The following TSPAN11 variants were observed in gnomAD, a reference collection of about 807,000 sequenced individuals.
TSPAN11 encodes the protein tetraspanin 11.
A neutral mutation model predicts 32.9 loss-of-function variants in TSPAN11; 29 were observed. That is an observed-to-expected ratio of 0.88 (90% CI 0.66 to 1.20). The LOEUF (loss-of-function observed/expected upper bound fraction) is 1.20, where lower values mean the gene tolerates loss of function less well. Ranked by LOEUF, TSPAN11 falls within the 50% of genes most tolerant of loss-of-function variation. The pLI, the probability that TSPAN11 is intolerant of heterozygous loss-of-function variation, is 0.00. For synonymous variants in TSPAN11, 140 were observed against 141.3 expected (o/e 0.99, Z 0.07); for missense variants, 283 against 329.1 (o/e 0.86, Z 1.08).
In TSPAN11 at chr12:30,970,421, G is replaced by A. The variant is rs143188462; in HGVS notation, c.276+6404G>A. ...CTCACCGCCCACTGGAACACACACA[G>A]TGTGATCTCCTTAGACCCCCAACAT... On this transcript the variant is annotated intron_variant, in intron 3 of 7. Coordinates refer to ENST00000546076, the MANE Select transcript of TSPAN11 (RefSeq NM_001370302.1). Among the ~76,000 whole-genome samples, 24 of 152,324 alleles carry A rather than the reference G, an allele frequency of 1.6e-4. No individual in the cohort carries two copies. The East Asian group carries it at 4.6e-3, about 29-fold the overall frequency.
At chr12:30,935,539 A>G (rs1248650850) in intron 1 of TSPAN11, among the ~76,000 whole-genome samples, 2 of 151,982 alleles carry the variant, frequency 1.3e-5, no homozygotes, top group African/African-American at 4.8e-5. Context: ...ACCCACCAAC[A>G]TGCCCGGCTA....
At chr12:30,930,236 C>T (rs1051115829) in intron 1 of TSPAN11, among the ~76,000 whole-genome samples, 2 of 152,158 alleles carry the variant, frequency 1.3e-5, no homozygotes, top group Non-Finnish European at 2.9e-5. Context: ...TTTCCAAGTG[C>T]CTGCTGTGAG....
intron 3 of TSPAN11, among the ~76,000 whole-genome samples, chr12:30,968,573 T>G (rs1052366229): frequency 2.0e-5 from 3 of 152,208 alleles, no homozygotes; most frequent in African/African-American, 7.2e-5. Context: ...TCTGAGCCTA[T>G]GGTCAATGAC....
At chr12:30,941,470 T>C (rs1423353265) in intron 1 of TSPAN11, among the ~76,000 whole-genome samples, 3 of 152,192 alleles carry the variant, frequency 2.0e-5, no homozygotes, top group Non-Finnish European at 4.4e-5. Context: ...TCAGGCCACA[T>C]TTTTACCCAA....
intron 7 of TSPAN11, chr12:30,988,717 A>T (rs1291177660): frequency 6.6e-6 from 1 of 152,166 alleles, no homozygotes; most frequent in South Asian, 2.1e-4. Context: ...TGGGTCAAAC[A>T]TACATTCGGG....
intron 1 of TSPAN11, among the ~76,000 whole-genome samples, chr12:30,939,238 CAAA>C (rs34239881): frequency 1.5e-5 from 2 of 136,944 alleles, no homozygotes; most frequent in Non-Finnish European, 1.5e-5. Context: ...AAGACTCCAT[CAAA>C]AAAAAAAAAA....
chr12:30,991,013 A>T (rs1939301970), intron 7 of TSPAN11, among the ~76,000 whole-genome samples: 1 of 152,178 alleles, frequency 6.6e-6, no homozygotes, highest in Non-Finnish European at 1.5e-5. Flanking sequence ...AGGAGGGCCC[A>T]TGAAGAGCAA....
At chr12:30,935,398 T>G (rs970966982) in intron 1 of TSPAN11, among the ~76,000 whole-genome samples, 32 of 149,250 alleles carry the variant, frequency 2.1e-4, no homozygotes, top group African/African-American at 8.0e-4. Flanking sequence ...TTTTTTTTTT[T>G]TGGAGATGGA....
In TSPAN11 at chr12:30,942,501, A is replaced by C. The variant is rs571450016; in HGVS notation, c.-11-11480A>C. On this transcript the variant is annotated intron_variant, in intron 1 of 7. Coordinates refer to ENST00000546076, the MANE Select transcript of TSPAN11 (RefSeq NM_001370302.1). ...CACTGAAGTTCTCATTTCATAGGTC[A>C]GACTGCAGCTTTTAAAAAAGAAAAA... Among the ~76,000 whole-genome samples, 3 of 152,318 alleles carry C rather than the reference A, an allele frequency of 2.0e-5. No individual in the cohort carries two copies. The South Asian group carries it at 6.2e-4, about 32-fold the overall frequency.
At chr12:31,005,875 A>G in the TSPAN11 span, 1 of 171,788 alleles carries the variant, frequency 5.8e-6, no homozygotes, top group Admixed American at 5.7e-5. Context: ...AGGACCTTCT[A>G]CAGGAGCTTC....
intron 1 of TSPAN11, among the ~76,000 whole-genome samples, chr12:30,928,742 G>GTT (rs1027192261): frequency 6.6e-6 from 1 of 152,146 alleles, no homozygotes; most frequent in African/African-American, 2.4e-5. Context: ...TTATCATTCT[G>GTT]TTTTCAACTG....
At chr12:30,938,149 T>C (rs1938084357) in intron 1 of TSPAN11, among the ~76,000 whole-genome samples, 1 of 152,212 alleles carries the variant, frequency 6.6e-6, no homozygotes, top group Admixed American at 6.5e-5. Context: ...CTTGGCTCCC[T>C]TAGGAATCAA....
At position 30,996,564 on chromosome 12, in the gene TSPAN11, G is replaced by A. The variant is rs1336124007; in HGVS notation, c.*4649G>A. 2 of 152,114 alleles carry A rather than the reference G, an allele frequency of 1.3e-5. No individual in the cohort carries two copies. The highest frequency in any genetic ancestry group is 4.8e-5 in the African/African-American group (2 of 41,426). 9.4% of individuals were successfully genotyped at this position (152,114 alleles called of 1,614,324 possible). A position where few individuals can be genotyped will look rare whatever the true frequency, so the allele number is the denominator to read the frequency against. ...GGAAGCCCAGCTTCATGTGCTAGGG[G>A]GCATGATAATGATAATAAAGGAATT... is the stretch of plus-strand genomic sequence containing the variant. On this transcript the variant is annotated 3_prime_UTR_variant, in exon 8 of 8. Transcript: ENST00000546076.
At chr12:30,930,585 A>G (rs1409325373) in intron 1 of TSPAN11, among the ~76,000 whole-genome samples, 1 of 152,194 alleles carries the variant, frequency 6.6e-6, no homozygotes, top group East Asian at 1.9e-4. Context: ...AAATCGAGGA[A>G]ATGACCTCAA....
intron 1 of TSPAN11, among the ~76,000 whole-genome samples, chr12:30,950,172 T>C (rs1289332741): frequency 6.6e-6 from 1 of 151,702 alleles, no homozygotes; most frequent in East Asian, 2.0e-4. Context: ...ATGTGAATCC[T>C]AGTCCCTGAG....
chr12:30,978,250 G>C (rs551185960), intron 3 of TSPAN11: 1 of 363,684 alleles, frequency 2.7e-6, no homozygotes, highest in South Asian at 5.9e-5. Context: ...TCACTCATCT[G>C]TCTTCCCACC....
At chr12:30,935,434 A>G (rs184376546) in intron 1 of TSPAN11, among the ~76,000 whole-genome samples, 21 of 123,440 alleles carry the variant, frequency 1.7e-4, no homozygotes, top group African/African-American at 6.9e-4. Flanking sequence ...CCCAGGCTGG[A>G]GTGCAATGGC....
chr12:30,974,776 T>C (rs929742946), intron 3 of TSPAN11, among the ~76,000 whole-genome samples: 1 of 152,092 alleles, frequency 6.6e-6, no homozygotes, highest in Non-Finnish European at 1.5e-5. Flanking sequence ...TAAAGTTGTG[T>C]CACTCATCCG....
At chr12:30,927,615 T>G (rs1937829282) in intron 1 of TSPAN11, among the ~76,000 whole-genome samples, 2 of 151,916 alleles carry the variant, frequency 1.3e-5, no homozygotes, top group Admixed American at 1.3e-4. Context: ...AAGAGGCAGC[T>G]TCTGGAAAAA....
Sources: gnomAD v4.1 joint callset for allele counts (sites outside exome capture counted in the v4.1 genomes callset) on GRCh38, gnomAD v4.1.1 for gene constraint, MANE v1.5 for transcripts, NCBI Gene and HGNC (gene_info 2026-07-23, HGNC 2026-07-21) for gene names.